Variants in OTOF observed in about 807,000 individuals in gnomAD.
The protein encoded by OTOF is otoferlin, also known as fer-1-like family member 2.
OTOF carries 218 observed loss-of-function variants against 236.8 expected under a neutral mutation model. That is an observed-to-expected ratio of 0.92 (90% CI 0.82 to 1.03). The LOEUF (loss-of-function observed/expected upper bound fraction) is 1.03, where lower values mean the gene tolerates loss of function less well. Among genes scored for constraint, OTOF ranks in the 50% least tolerant of loss-of-function variants. The pLI, the probability that OTOF is intolerant of heterozygous loss-of-function variation, is 0.00. For synonymous variants in OTOF, 1,041 were observed against 1,072.5 expected, an observed-to-expected ratio of 0.97 and a Z score of 0.57; for missense variants, 2,590 against 2,694.4, an observed-to-expected ratio of 0.96 and a Z score of 0.86.
At chr2:26,488,227 A>T (rs1282589796) in intron 11 of OTOF, among the ~76,000 whole-genome samples, 1 of 152,140 alleles carries the variant, frequency 6.6e-6, no homozygotes, top group Non-Finnish European at 1.5e-5. Context: ...TCTTAGCCTC[A>T]TTTATCTCAT....
At chr2:26,490,502 AG>A (rs1370287670) in intron 9 of OTOF, among the ~76,000 whole-genome samples, 4 of 152,084 alleles carry the variant, frequency 2.6e-5, no homozygotes, top group Non-Finnish European at 5.9e-5. Context: ...GCTGAGGATG[AG>A]GGTGTGGGGC....
intron 14 of OTOF, 80 bp from the exon 15 acceptor site, chr2:26,481,089 C>T (rs1665530353): frequency 9.7e-7 from 1 of 1,028,282 alleles, no homozygotes; most frequent in African/African-American, 1.6e-5. Flanking sequence ...TTGGGGGTCC[C>T]TGGCCTCCAG....
At chr2:26,482,311 T>C in intron 14 of OTOF, 95 bp downstream of exon 14, 1 of 1,195,670 alleles carries the variant, frequency 8.4e-7, no homozygotes. Context: ...GGACCAGAGC[T>C]GATGACGGTG....
chr2:26,494,890 G>T, intron 9 of OTOF, 52 bp downstream of exon 9: 1 of 1,609,632 alleles, frequency 6.2e-7, no homozygotes, highest in African/African-American at 1.3e-5. Context: ...GAGGGCTGGG[G>T]CCACCCTCCT....
chr2:26,519,146 A>G (rs773775887), intron 3 of OTOF, 37 bp from the exon 4 acceptor site: 1 of 1,376,732 alleles, frequency 7.3e-7, no homozygotes, highest in Non-Finnish European at 1.0e-6. Context: ...GTAACATGGA[A>G]GAGACCAGGG....
At chr2:26,537,556 C>A (rs111409069) in intron 2 of OTOF, among the ~76,000 whole-genome samples, 160 bp downstream of exon 2, 2 of 152,338 alleles carry the variant, frequency 1.3e-5, no homozygotes, top group African/African-American at 2.4e-5. Context: ...CCTGCACACC[C>A]TCCTTACCAC....
At position 26,558,443 on chromosome 2, in the gene OTOF, C is replaced by A. The variant is rs775538492; in HGVS notation, c.79+50G>T. ...TCCCCGGCCACCTCCAGAGCATGGG[C>A]TGGTCCAGCTCTCAGAGCTGGCGTC... is the stretch of plus-strand genomic sequence containing the variant. On this transcript the variant is annotated intron_variant, in intron 1 of 46. Coordinates refer to ENST00000272371, the MANE Select transcript of OTOF (RefSeq NM_194248.3). The A allele has an allele frequency of 1.2e-5, 18 of 1,524,496 alleles. No homozygotes were observed. In the Admixed American group the frequency reaches 2.3e-4, roughly 20 times the overall value. The allele number at this position is 1,524,496 out of a possible 1,614,324, so 94.4% of individuals were successfully genotyped here. A position where few individuals can be genotyped will look rare whatever the true frequency, so the allele number is the denominator to read the frequency against.
chr2:26,552,524 T>C (rs1370928834), intron 1 of OTOF, among the ~76,000 whole-genome samples: 2 of 152,236 alleles, frequency 1.3e-5, no homozygotes, highest in Non-Finnish European at 2.9e-5. Flanking sequence ...AGCAGCATAT[T>C]CCTGAGGGCT....
chr2:26,488,082 G>C (rs1225465182), intron 11 of OTOF, among the ~76,000 whole-genome samples: 1 of 152,170 alleles, frequency 6.6e-6, no homozygotes, highest in Non-Finnish European at 1.5e-5. Context: ...TATAATCTTG[G>C]TTTTGGACTC....
chr2:26,493,129 T>C (rs1264268772), intron 9 of OTOF, among the ~76,000 whole-genome samples: 2 of 152,066 alleles, frequency 1.3e-5, no homozygotes, highest in Non-Finnish European at 1.5e-5. Context: ...GAGATGTCAA[T>C]CCTGAATGTC....
In OTOF at chr2:26,519,011, T is replaced by A. The variant is rs747863126; in HGVS notation, c.326A>T (p.Lys109Met). Residue 109 changes from lysine to methionine, a missense_variant and splice_region_variant, in exon 4 of 47, where the codon AAG (lysine) becomes ATG (methionine). By Grantham distance (95) the Lys-to-Met change is moderately conservative. Around this residue, in one of 2 missense-constraint regions of OTOF, gnomAD observed 1,379 missense variants for 1,341.6 expected, o/e 1.03. Coordinates refer to ENST00000272371, the MANE Select transcript of OTOF (RefSeq NM_194248.3). ...TLIDDNNAII[K>M]TSLCVEVRYQ... ...AGGAACTCCGTGGGGCATACCCACC[T>A]TGATGATAGCATTGTTGTCATCAAT... 6.2e-7 allele frequency: 1 copy of A among 1,604,792 alleles called. No individual in the cohort carries two copies. Among genetic ancestry groups the A allele is most frequent in the Non-Finnish European group, 8.5e-7 (1 of 1,173,732 alleles).
intron 9 of OTOF, among the ~76,000 whole-genome samples, chr2:26,490,657 T>C (rs1179654308): frequency 6.6e-6 from 1 of 152,214 alleles, no homozygotes; most frequent in Admixed American, 6.5e-5. Flanking sequence ...TAAAGCCAGC[T>C]TCAGAGCCAG....
intron 38 of OTOF, among the ~76,000 whole-genome samples, chr2:26,465,408 C>A (rs1346486180): frequency 1.3e-5 from 2 of 152,234 alleles, no homozygotes; most frequent in South Asian, 2.1e-4. Flanking sequence ...TTCTGTCCTC[C>A]TCTTGCTAGC....
Position 26,460,031 on chromosome 2 carries a change from C to A in OTOF, c.5988G>T (p.Gly1996=). 1.9e-6 allele frequency: 3 copies of A among 1,568,026 alleles called. No homozygotes were observed. Among genetic ancestry groups the A allele is most frequent in the Non-Finnish European group, 2.6e-6 (3 of 1,156,592 alleles). ...ACCCAGGAGGCCACTGGGCTCAGGCCCCGAGGATTTTCTTGACCAGGTAGC... is the reference window on the plus strand; with the variant it reads ...ACCCAGGAGGCCACTGGGCTCAGGCACCGAGGATTTTCTTGACCAGGTAGC... ...VPGYLVKKIL[G]A is the part of the protein sequence containing the mutation. Residue 1996 remains glycine, a synonymous_variant, in exon 46 of 47, where the codon GGG becomes GGT. Coordinates refer to ENST00000272371, the MANE Select transcript of OTOF (RefSeq NM_194248.3). This position sits in a 1 kb window ranked among gnomAD's most constrained non-coding sequence, Gnocchi z 5.3.
At chr2:26,558,195 G>A (rs1005192097) in intron 1 of OTOF, among the ~76,000 whole-genome samples, 4 of 152,012 alleles carry the variant, frequency 2.6e-5, no homozygotes, top group Non-Finnish European at 5.9e-5. Context: ...GCTCAGGGAT[G>A]TGGTCCTCAC....
chr2:26,551,605 C>G (rs1228507819), intron 1 of OTOF, among the ~76,000 whole-genome samples: 3 of 152,218 alleles, frequency 2.0e-5, no homozygotes, highest in Non-Finnish European at 4.4e-5. Flanking sequence ...TCATCTTCCC[C>G]CTTTGAGGAC....
rs1666120263 is a variant in OTOF at position 26,501,749 on chromosome 2, C to T, written c.765+5G>A. On this transcript the variant is annotated splice_donor_5th_base_variant and intron_variant, in intron 8 of 46. Transcript: ENST00000272371. ...AAGACATGAGGCCTCCAGGTGCCCA[C>T]CTACCTGGTAATCCATGGGCCGCCC... is the stretch of plus-strand genomic sequence containing the variant. 1 of 1,608,252 alleles carries T rather than the reference C, an allele frequency of 6.2e-7. No individual in the cohort carries two copies.
intron 6 of OTOF, among the ~76,000 whole-genome samples, chr2:26,503,136 G>A (rs1325487209): frequency 6.6e-6 from 1 of 152,238 alleles, no homozygotes; most frequent in Non-Finnish European, 1.5e-5. Context: ...CTGGGGGAGG[G>A]CAGCCGGGAG....
At position 26,473,845 on chromosome 2, in the gene OTOF, TG is replaced by T. The variant is rs1665117866; in HGVS notation, c.3408+145del. 2 of 1,116,632 alleles carry T rather than the reference TG, an allele frequency of 1.8e-6. No individual in the cohort carries two copies. The highest frequency in any genetic ancestry group is 2.7e-6 in the Non-Finnish European group (2 of 742,406). 69.2% of individuals were successfully genotyped at this position (1,116,632 alleles called of 1,614,324 possible). A position where few individuals can be genotyped will look rare whatever the true frequency, so the allele number is the denominator to read the frequency against. On this transcript the variant is annotated intron_variant, in intron 27 of 46. Coordinates refer to ENST00000272371, the MANE Select transcript of OTOF (RefSeq NM_194248.3). This position sits in a 1 kb window ranked among gnomAD's most constrained non-coding sequence, Gnocchi z 7.2. Reference sequence around the variant, plus strand: ...ACATGGGAGTGCGACTTGGTGCAGATGGGGGCAGGCCCTGGGCTGGGGCAGG... The same window carrying T: ...ACATGGGAGTGCGACTTGGTGCAGATGGGGCAGGCCCTGGGCTGGGGCAGG...
Sources: allele counts gnomAD v4.1 joint callset (sites outside exome capture counted in the v4.1 genomes callset), GRCh38; gene constraint gnomAD v4.1.1; regional missense constraint gnomAD v4.1.1; non-coding constraint Gnocchi (gnomAD v3.1); transcripts MANE v1.5; gene names NCBI Gene and HGNC (gene_info 2026-07-23, HGNC 2026-07-21).